SYNPO: variants seen among roughly 807,000 people sequenced by gnomAD.
SYNPO encodes synaptopodin.
In SYNPO, 19 loss-of-function variants were observed where a neutral mutation model predicts 49.5. The observed-to-expected ratio is 0.38, with a 90% CI of 0.27 to 0.56. The LOEUF (loss-of-function observed/expected upper bound fraction) is 0.56, where lower values mean the gene tolerates loss of function less well. Among genes scored for constraint, SYNPO ranks in the 20% least tolerant of loss-of-function variants. The pLI, the probability that SYNPO is intolerant of heterozygous loss-of-function variation, is 0.68. For synonymous variants in SYNPO, 536 were observed against 548.0 expected (o/e 0.98, Z 0.31); for missense variants, 1,131 against 1,248.3 (o/e 0.91, Z 1.42).
rs369739500 is a variant in SYNPO, at chr5:150,618,756, C to T, written c.389C>T (p.Ala130Val). Residue 130 changes from alanine to valine, a missense_variant, in exon 2 of 3, where the codon GCC becomes GTC. Transcript: ENST00000394243. The stretch of plus-strand genomic sequence containing the variant: ...AGCCCTGGCCCTGGGCCCAGAGTGG[C>T]CCAGAAACCAGGTAAGCTTGTGTTC... The T allele has an allele frequency of 4.9e-5, 76 of 1,551,092 alleles. No individual in the cohort carries two copies. The highest frequency in any genetic ancestry group is 5.4e-5 in the Non-Finnish European group (62 of 1,146,834).
At chr5:150,642,773 T>C (rs979811047) in intron 1 of SYNPO, among the ~76,000 whole-genome samples, 1 of 152,116 alleles carries the variant, frequency 6.6e-6, no homozygotes, top group Admixed American at 6.5e-5. Context: ...TGGGCTGGAG[T>C]GCGGGCTGCA....
At chr5:150,611,378 G>A (rs1314783859) in intron 1 of SYNPO, among the ~76,000 whole-genome samples, 1 of 152,188 alleles carries the variant, frequency 6.6e-6, no homozygotes, top group African/African-American at 2.4e-5. Context: ...TACCAGGAGG[G>A]CACCTGAAAT....
chr5:150,642,045 C>G (rs951445945), intron 1 of SYNPO, among the ~76,000 whole-genome samples: 2 of 152,226 alleles, frequency 1.3e-5, no homozygotes, highest in Non-Finnish European at 2.9e-5. Flanking sequence ...GGGCAGGTCT[C>G]TCTGAGCCCC....
intron 2 of SYNPO, among the ~76,000 whole-genome samples, chr5:150,631,600 G>A (rs114353242): frequency 0.014 from 2,183 of 152,310 alleles, 47 homozygotes; most frequent in African/African-American, 0.05. Context: ...CTGCGAAGGG[G>A]CTTGAGGCGG....
At chr5:150,606,786 G>A (rs900915200) in intron 1 of SYNPO, among the ~76,000 whole-genome samples, 4 of 152,280 alleles carry the variant, frequency 2.6e-5, no homozygotes, top group East Asian at 1.9e-4. Flanking sequence ...CTGGCCAACC[G>A]AGCAAATCTA....
At chr5:150,629,694 C>T (rs887675499) in intron 2 of SYNPO, among the ~76,000 whole-genome samples, 1 of 152,100 alleles carries the variant, frequency 6.6e-6, no homozygotes, top group African/African-American at 2.4e-5. Context: ...AAGATAAAAG[C>T]CACAGTTCTT....
intron 2 of SYNPO, chr5:150,653,232 CAG>C (rs1454389838): frequency 6.6e-6 from 1 of 152,262 alleles, no homozygotes; most frequent in Non-Finnish European, 1.5e-5. Context: ...AACATACACA[CAG>C]AGTCAGTGCC....
At chr5:150,628,067 G>GTGTGTGTGTGTGTGTGTGTGTGTGT (rs1561643388) in intron 2 of SYNPO, among the ~76,000 whole-genome samples, 5 of 126,784 alleles carry the variant, frequency 3.9e-5, no homozygotes, top group African/African-American at 1.5e-4. Context: ...TGTGTGTGTG[G>GTGTGTGTGTGTGTGTGTGTGTGTGT]TCAGAGTCTT....
chr5:150,587,128 G>A, the SYNPO span, among the ~76,000 whole-genome samples: 83,416 of 151,924 alleles, frequency 0.55, 24,964 homozygotes, highest in African/African-American at 0.8. Context: ...GCATGGATGA[G>A]TATTTGGATG....
chr5:150,616,000 C>T (rs540223263), intron 1 of SYNPO, among the ~76,000 whole-genome samples: 9 of 152,314 alleles, frequency 5.9e-5, no homozygotes, highest in South Asian at 2.1e-4. Context: ...TGTTCTTCCC[C>T]GGGGGGCAGA....
chr5:150,643,062 A>T (rs1010840375), intron 1 of SYNPO, among the ~76,000 whole-genome samples: 3 of 152,212 alleles, frequency 2.0e-5, no homozygotes, highest in Admixed American at 2.0e-4. Context: ...TTCTAAACCC[A>T]TGGCCTTCTA....
intron 2 of SYNPO, among the ~76,000 whole-genome samples, chr5:150,623,761 C>T (rs1020755393): frequency 6.6e-6 from 1 of 152,234 alleles, no homozygotes; most frequent in African/African-American, 2.4e-5. Context: ...TTCCTAACTT[C>T]CTTTAGCAGA....
At chr5:150,621,518 G>A (rs926882276) in intron 2 of SYNPO, among the ~76,000 whole-genome samples, 1 of 152,198 alleles carries the variant, frequency 6.6e-6, no homozygotes, top group Non-Finnish European at 1.5e-5. Flanking sequence ...AGGGAAGAAG[G>A]CTGTGGGGCT....
intron 2 of SYNPO, among the ~76,000 whole-genome samples, chr5:150,632,197 T>C (rs1398327263): frequency 6.6e-6 from 1 of 152,214 alleles, no homozygotes; most frequent in Middle Eastern, 3.2e-3. Context: ...ACTCGGTGTA[T>C]GGCCCATGGA....
chr5:150,590,934 G>T, the SYNPO span, among the ~76,000 whole-genome samples: 3 of 152,140 alleles, frequency 2.0e-5, no homozygotes, highest in African/African-American at 4.8e-5. Flanking sequence ...AGGGACTGGG[G>T]CCTTCTCTGC....
At chr5:150,628,597 T>C (rs992770339) in intron 2 of SYNPO, among the ~76,000 whole-genome samples, 2 of 152,192 alleles carry the variant, frequency 1.3e-5, no homozygotes, top group Non-Finnish European at 2.9e-5. Flanking sequence ...CATTTAGGTA[T>C]TGTGAGGTTT....
chr5:150,632,243 T>C (rs1037752660), intron 2 of SYNPO, among the ~76,000 whole-genome samples: 8 of 152,236 alleles, frequency 5.3e-5, no homozygotes, highest in Admixed American at 1.3e-4. Flanking sequence ...TTGTTAGAAA[T>C]GCAGAATCCC....
chr5:150,604,736 C>A (rs906957332), intron 1 of SYNPO, among the ~76,000 whole-genome samples: 1 of 152,168 alleles, frequency 6.6e-6, no homozygotes, highest in African/African-American at 2.4e-5. Flanking sequence ...CACGAGGTGG[C>A]GGCACAGAAG....
chr5:150,650,496 C>T lies in SYNPO; in HGVS notation c.2028+193C>T, dbSNP rs113450445. On this transcript the variant is annotated intron_variant, in intron 2 of 2. Coordinates refer to ENST00000307662, the MANE Select transcript of SYNPO (RefSeq NM_007286.6). ...GCTGGCTTTGTGACCTTGGGCGAGT[C>T]GCCTCCCCTCTCTGAGCTGAAGCCG... 0.05 allele frequency: 74,342 copies of T among 1,490,754 alleles called. 2,111 individuals are homozygous for T. Among genetic ancestry groups the T allele is most frequent in the Non-Finnish European group, 0.059 (65,929 of 1,116,520 alleles). 92.3% of individuals were successfully genotyped at this position (1,490,754 alleles called of 1,614,324 possible).
Sources: allele counts gnomAD v4.1 joint callset (sites outside exome capture counted in the v4.1 genomes callset), GRCh38; gene constraint gnomAD v4.1.1; transcripts MANE v1.5; gene names NCBI Gene and HGNC (gene_info 2026-07-23, HGNC 2026-07-21).